The following MSMP variants were observed in gnomAD, a reference collection of about 807,000 sequenced individuals.
MSMP encodes prostate-associated microseminoprotein.
A neutral mutation model predicts 15.8 loss-of-function variants in MSMP; 9 were observed. The ratio of observed to expected loss-of-function variants is 0.57; its 90% CI spans 0.34 to 0.99. MSMP has a LOEUF of 0.99. MSMP is among the 50% of genes least tolerant of loss of function. The pLI, the probability that MSMP is intolerant of heterozygous loss-of-function variation, is 0.02. For missense variants in MSMP, 170 were observed against 173.4 expected, an observed-to-expected ratio of 0.98 and a Z score of 0.11; for synonymous variants, 64 against 64.4, an observed-to-expected ratio of 0.99 and a Z score of 0.03.
Position 35,754,043 on chromosome 9 carries a change from G to T in MSMP, c.87C>A (p.Leu29=). The change falls in exon 1 of 3, where the codon CTC becomes CTA. Residue 29 remains leucine, a synonymous_variant. Coordinates refer to ENST00000436428, the MANE Select transcript of MSMP (RefSeq NM_001044264.3). Reference sequence around the variant, plus strand: ...ACTTGCTGTAGACTCCTGGGTGCTGGAGGAGTAGAGACATCACCAAGCAGA... The same window carrying T: ...ACTTGCTGTAGACTCCTGGGTGCTGTAGGAGTAGAGACATCACCAAGCAGA... The part of the protein sequence containing the change: ...GIICLVMSLL[L]QHPGVYSKCY... The T allele has an allele frequency of 6.2e-7, 1 of 1,613,828 alleles. No individual in the cohort carries two copies. Among genetic ancestry groups the T allele is most frequent in the Non-Finnish European group, 8.5e-7 (1 of 1,179,858 alleles).
Position 35,753,542 on chromosome 9 carries a change from G to T in MSMP, c.239+118C>A. The stretch of plus-strand genomic sequence containing the variant: ...CACTAGTGTTGGTCCCTTCAGGTTT[G>T]GCCCATCTTGTATTGCTCTTCTGTT... On this transcript the variant is annotated intron_variant, in intron 2 of 2. Transcript: ENST00000436428. This position sits in a 1 kb window ranked among gnomAD's most constrained non-coding sequence, Gnocchi z 4.2. 1.1e-6 allele frequency: 1 copy of T among 903,450 alleles called. No homozygotes were observed. The highest frequency in any genetic ancestry group is 1.7e-6 in the Non-Finnish European group (1 of 578,472). The allele number at this position is 903,450 out of a possible 1,614,324, so 56.0% of individuals were successfully genotyped here.
rs565085901 is a variant in MSMP at position 35,754,241 on chromosome 9, C to G, written c.-112G>C. On this transcript the variant is annotated 5_prime_UTR_variant, in exon 1 of 3. Coordinates refer to ENST00000436428, the MANE Select transcript of MSMP (RefSeq NM_001044264.3). The stretch of plus-strand genomic sequence containing the variant: ...TTGAGTCTTAGTTTCTGTCTTTCTC[C>G]CCTGGGCTCCTGTCTCACACTATCT... 7.3e-7 allele frequency: 1 copy of G among 1,367,854 alleles called. No individual in the cohort carries two copies. Among genetic ancestry groups the G allele is most frequent in the Non-Finnish European group, 9.9e-7 (1 of 1,012,116 alleles). 84.7% of individuals were successfully genotyped at this position (1,367,854 alleles called of 1,614,324 possible).
Position 35,753,873 on chromosome 9 carries a change from A to AGTTT in MSMP, c.131-109_131-106dup. 6.5e-7 allele frequency: 1 copy of AGTTT among 1,531,822 alleles called. No homozygotes were observed. The highest frequency in any genetic ancestry group is 8.9e-7 in the Non-Finnish European group (1 of 1,121,708). The allele number at this position is 1,531,822 out of a possible 1,614,324, so 94.9% of individuals were successfully genotyped here. On this transcript the variant is annotated intron_variant, in intron 1 of 2. Transcript: ENST00000436428. The surrounding 1 kb of genome is among the most constrained non-coding windows in gnomAD (Gnocchi z 4.2). ...GTAAGTACGCACTATCCCCGTATTT[A>AGTTT]GTTTGTCTTTCCTGTTTCACAGCTG...
Position 35,754,195 on chromosome 9 carries a change from G to C in MSMP, c.-66C>G. ...TCAGCTACTCTGGTCTTGACTCCTT[G>C]ACTTTGCTTTGCGTTGCTCCTTGAG... is the stretch of plus-strand genomic sequence containing the variant. On this transcript the variant is annotated 5_prime_UTR_variant, in exon 1 of 3. Transcript: ENST00000436428. The C allele has an allele frequency of 1.9e-6, 3 of 1,554,048 alleles. No individual in the cohort carries two copies. The highest frequency in any genetic ancestry group is 2.6e-6 in the Non-Finnish European group (3 of 1,148,894).
Position 35,753,499 on chromosome 9 carries a change from C to A in MSMP, c.239+161G>T. On this transcript the variant is annotated intron_variant, in intron 2 of 2. Coordinates refer to ENST00000436428, the MANE Select transcript of MSMP (RefSeq NM_001044264.3). This position sits in a 1 kb window ranked among gnomAD's most constrained non-coding sequence, Gnocchi z 4.2. Reference sequence around the variant, plus strand: ...ACCCCAACCTCCCCTGATTTATAGCCTGAAGCCTTATCTTTCACACTAGTG... The same window carrying A: ...ACCCCAACCTCCCCTGATTTATAGCATGAAGCCTTATCTTTCACACTAGTG... 2.6e-6 allele frequency: 2 copies of A among 781,390 alleles called. No homozygotes were observed. The highest frequency in any genetic ancestry group is 4.1e-6 in the Non-Finnish European group (2 of 485,006). The allele number at this position is 781,390 out of a possible 1,614,324, so 48.4% of individuals were successfully genotyped here.
In MSMP at chr9:35,753,251, C is replaced by T; in HGVS notation, c.269G>A (p.Gly90Glu). 6.2e-7 allele frequency: 1 copy of T among 1,614,054 alleles called. No homozygotes were observed. The highest frequency in any genetic ancestry group is 8.5e-7 in the Non-Finnish European group (1 of 1,180,018). Reference sequence around the variant, plus strand: ...TCCTGCCTCCTGACGTACCTCACACCCAGCCGGGAAGTCGATGGGATGCTG... The same window carrying T: ...TCCTGCCTCCTGACGTACCTCACACTCAGCCGGGAAGTCGATGGGATGCTG... ...TSQHPIDFPA[G>E]CEVRQEAGTC... Residue 90 changes from glycine (G) to glutamate (E), a missense_variant, in exon 3 of 3, where the codon GGG becomes GAG. Transcript: ENST00000436428. This position sits in a 1 kb window ranked among gnomAD's most constrained non-coding sequence, Gnocchi z 4.2.
Position 35,753,168 on chromosome 9 carries a change from C to T in MSMP, c.352G>A (p.Gly118Arg). ...SDPRLPCKGGGPDPEWGSANT... is the reference protein window; with the variant it reads ...SDPRLPCKGGRPDPEWGSANT... ...GCTGAGCCCCATTCTGGGTCAGGCC[C>T]TCCCCCTTTGCAGGGCAGCCGAGGG... Residue 118 changes from glycine (G) to arginine (R), a missense_variant, in exon 3 of 3, where the codon GGG (glycine) becomes AGG (arginine). Gly to Arg is a moderately radical substitution (Grantham distance 125). Coordinates refer to ENST00000436428, the MANE Select transcript of MSMP (RefSeq NM_001044264.3). The surrounding 1 kb of genome is among the most constrained non-coding windows in gnomAD (Gnocchi z 4.2). 1.2e-6 allele frequency: 2 copies of T among 1,614,218 alleles called. No individual in the cohort carries two copies. The highest frequency in any genetic ancestry group is 2.2e-5 in the South Asian group (2 of 91,082).
Position 35,753,162 on chromosome 9 carries a change from C to T in MSMP, c.358G>A (p.Asp120Asn), listed in dbSNP as rs1827297599. The change falls in exon 3 of 3, where the codon GAC (aspartate) becomes AAC (asparagine). Residue 120 changes from aspartate to asparagine, a missense_variant. Coordinates refer to ENST00000436428, the MANE Select transcript of MSMP (RefSeq NM_001044264.3). The surrounding 1 kb of genome is among the most constrained non-coding windows in gnomAD (Gnocchi z 4.2). Reference protein sequence around the residue: ...PRLPCKGGGPDPEWGSANTPV... With the variant: ...PRLPCKGGGPNPEWGSANTPV... ...GTGTTGGCTGAGCCCCATTCTGGGT[C>T]AGGCCCTCCCCCTTTGCAGGGCAGC... The T allele has an allele frequency of 1.2e-6, 2 of 1,614,058 alleles. No homozygotes were observed. Among genetic ancestry groups the T allele is most frequent in the African/African-American group, 1.3e-5 (1 of 74,920 alleles).
chr9:35,753,401 C>A lies in MSMP; in HGVS notation c.240-121G>T, dbSNP rs956652071. The A allele has an allele frequency of 6.6e-5, 74 of 1,113,822 alleles. No individual in the cohort carries two copies. The highest frequency in any genetic ancestry group is 2.6e-5 in the Admixed American group (1 of 38,378). The allele number at this position is 1,113,822 out of a possible 1,614,324, so 69.0% of individuals were successfully genotyped here. A position where few individuals can be genotyped will look rare whatever the true frequency, so the allele number is the denominator to read the frequency against. ...AGCCCCTTTCAGTGGCCCCTTGGTC[C>A]TCCTAACTAAGCTGTCACCTACCAT... On this transcript the variant is annotated intron_variant, in intron 2 of 2. Coordinates refer to ENST00000436428, the MANE Select transcript of MSMP (RefSeq NM_001044264.3). The surrounding 1 kb of genome is among the most constrained non-coding windows in gnomAD (Gnocchi z 4.2).
rs1300297772 is a variant in MSMP, at chr9:35,753,498, C to T, written c.239+162G>A. 1 of 778,686 alleles carries T rather than the reference C, an allele frequency of 1.3e-6. No individual in the cohort carries two copies. The highest frequency in any genetic ancestry group is 2.7e-5 in the East Asian group (1 of 37,182). The allele number at this position is 778,686 out of a possible 1,614,324, so 48.2% of individuals were successfully genotyped here. Reference sequence around the variant, plus strand: ...CACCCCAACCTCCCCTGATTTATAGCCTGAAGCCTTATCTTTCACACTAGT... The same window carrying T: ...CACCCCAACCTCCCCTGATTTATAGTCTGAAGCCTTATCTTTCACACTAGT... On this transcript the variant is annotated intron_variant, in intron 2 of 2. Transcript: ENST00000436428. The surrounding 1 kb of genome is among the most constrained non-coding windows in gnomAD (Gnocchi z 4.2).
In MSMP at chr9:35,753,338, G is replaced by C; in HGVS notation, c.240-58C>G. ...ACAGTGAAAGGCTGCCTTTATCCCT[G>C]CCCACATGTTCCCTCTCTCACAGTT... On this transcript the variant is annotated intron_variant, in intron 2 of 2. Transcript: ENST00000436428. This position sits in a 1 kb window ranked among gnomAD's most constrained non-coding sequence, Gnocchi z 4.2. The C allele has an allele frequency of 1.3e-6, 2 of 1,555,038 alleles. No homozygotes were observed. Among genetic ancestry groups the C allele is most frequent in the Non-Finnish European group, 1.7e-6 (2 of 1,144,912 alleles).
At position 35,753,264 on chromosome 9, in the gene MSMP, C is replaced by T. The variant is rs182933098; in HGVS notation, c.256G>A (p.Asp86Asn). 9 of 1,613,774 alleles carry T rather than the reference C, an allele frequency of 5.6e-6. No homozygotes were observed. Among genetic ancestry groups the T allele is most frequent in the Admixed American group, 5.0e-5 (3 of 60,012 alleles). The change falls in exon 3 of 3, where the codon GAC (aspartate) becomes AAC (asparagine). Residue 86 changes from aspartate to asparagine, a missense_variant. Coordinates refer to ENST00000436428, the MANE Select transcript of MSMP (RefSeq NM_001044264.3). This position sits in a 1 kb window ranked among gnomAD's most constrained non-coding sequence, Gnocchi z 4.2. ...CGTACCTCACACCCAGCCGGGAAGT[C>T]GATGGGATGCTGGGACCTGGGGAAC... is the stretch of plus-strand genomic sequence containing the variant. Reference protein sequence around the residue: ...GCCDTSQHPIDFPAGCEVRQE... With the variant: ...GCCDTSQHPINFPAGCEVRQE...
In MSMP at chr9:35,753,198, A is replaced by G; in HGVS notation, c.322T>C (p.Ser108Pro). The change falls in exon 3 of 3, where the codon TCT becomes CCT. Residue 108 changes from serine to proline, a missense_variant. Transcript: ENST00000436428. The surrounding 1 kb of genome is among the most constrained non-coding windows in gnomAD (Gnocchi z 4.2). ...CCTTTGCAGGGCAGCCGAGGGTCAG[A>G]TTTTTGCACCAAGGAGAACTGGCAG... is the stretch of plus-strand genomic sequence containing the variant. ...GTCQFSLVQK[S>P]DPRLPCKGGG... The G allele has an allele frequency of 6.2e-7, 1 of 1,614,110 alleles. No homozygotes were observed.
Position 35,753,667 on chromosome 9 carries a change from A to C in MSMP, c.232T>G (p.Cys78Gly). ...CCATCTTTGGTCACTCACGTGTCAC[A>C]GCAGCCCACGCCAACAGGATGCAGA... is the stretch of plus-strand genomic sequence containing the variant. ...TCLHPVGVGC[C>G]DTSQHPIDFP... The change falls in exon 2 of 3, where the codon TGT becomes GGT. Residue 78 changes from cysteine to glycine, a missense_variant. By Grantham distance (159) the Cys-to-Gly change is radical. Transcript: ENST00000436428. This position sits in a 1 kb window ranked among gnomAD's most constrained non-coding sequence, Gnocchi z 4.2. 1.2e-6 allele frequency: 2 copies of C among 1,613,712 alleles called. No homozygotes were observed. Among genetic ancestry groups the C allele is most frequent in the Non-Finnish European group, 1.7e-6 (2 of 1,179,644 alleles).
chr9:35,753,543 G>T lies in MSMP; in HGVS notation c.239+117C>A. ...ACTAGTGTTGGTCCCTTCAGGTTTG[G>T]CCCATCTTGTATTGCTCTTCTGTTC... On this transcript the variant is annotated intron_variant, in intron 2 of 2. Coordinates refer to ENST00000436428, the MANE Select transcript of MSMP (RefSeq NM_001044264.3). The surrounding 1 kb of genome is among the most constrained non-coding windows in gnomAD (Gnocchi z 4.2). 4.4e-6 allele frequency: 4 copies of T among 918,694 alleles called. No homozygotes were observed. The highest frequency in any genetic ancestry group is 6.8e-6 in the Non-Finnish European group (4 of 592,092). The allele number at this position is 918,694 out of a possible 1,614,324, so 56.9% of individuals were successfully genotyped here.
chr9:35,753,839 G>C lies in MSMP; in HGVS notation c.131-71C>G, dbSNP rs987300457. On this transcript the variant is annotated intron_variant, in intron 1 of 2. Transcript: ENST00000436428. The surrounding 1 kb of genome is among the most constrained non-coding windows in gnomAD (Gnocchi z 4.2). Reference sequence around the variant, plus strand: ...GAGGCAGAGGCTCTTCTGGTCTGGGGTGGAGACAGTAAGTACGCACTATCC... The same window carrying C: ...GAGGCAGAGGCTCTTCTGGTCTGGGCTGGAGACAGTAAGTACGCACTATCC... 2 of 1,534,006 alleles carry C rather than the reference G, an allele frequency of 1.3e-6. No homozygotes were observed. Among genetic ancestry groups the C allele is most frequent in the Non-Finnish European group, 1.8e-6 (2 of 1,112,450 alleles).
At position 35,753,288 on chromosome 9, in the gene MSMP, A is replaced by G. The variant is rs1027155466; in HGVS notation, c.240-8T>C. Reference sequence around the variant, plus strand: ...TCGATGGGATGCTGGGACCTGGGGAACCAAGGATAGGGGAAGGAGTCAGCA... The same window carrying G: ...TCGATGGGATGCTGGGACCTGGGGAGCCAAGGATAGGGGAAGGAGTCAGCA... On this transcript the variant is annotated splice_region_variant and splice_polypyrimidine_tract_variant and intron_variant, in intron 2 of 2. Coordinates refer to ENST00000436428, the MANE Select transcript of MSMP (RefSeq NM_001044264.3). This position sits in a 1 kb window ranked among gnomAD's most constrained non-coding sequence, Gnocchi z 4.2. 3.7e-6 allele frequency: 6 copies of G among 1,612,424 alleles called. No individual in the cohort carries two copies. Among genetic ancestry groups the G allele is most frequent in the Middle Eastern group, 1.6e-4 (1 of 6,082 alleles).
In MSMP at chr9:35,753,867, G is replaced by GT; in HGVS notation, c.131-100dup. 1 of 1,524,900 alleles carries GT rather than the reference G, an allele frequency of 6.6e-7. No individual in the cohort carries two copies. Among genetic ancestry groups the GT allele is most frequent in the East Asian group, 2.3e-5 (1 of 44,196 alleles). 94.5% of individuals were successfully genotyped at this position (1,524,900 alleles called of 1,614,324 possible). A position where few individuals can be genotyped will look rare whatever the true frequency, so the allele number is the denominator to read the frequency against. On this transcript the variant is annotated intron_variant, in intron 1 of 2. Transcript: ENST00000436428. The surrounding 1 kb of genome is among the most constrained non-coding windows in gnomAD (Gnocchi z 4.2). ...GAGACAGTAAGTACGCACTATCCCC[G>GT]TATTTAGTTTGTCTTTCCTGTTTCA... is the stretch of plus-strand genomic sequence containing the variant.
chr9:35,753,542 G>C lies in MSMP; in HGVS notation c.239+118C>G. 1 of 903,452 alleles carries C rather than the reference G, an allele frequency of 1.1e-6. No individual in the cohort carries two copies. 56.0% of individuals were successfully genotyped at this position (903,452 alleles called of 1,614,324 possible). On this transcript the variant is annotated intron_variant, in intron 2 of 2. Transcript: ENST00000436428. The surrounding 1 kb of genome is among the most constrained non-coding windows in gnomAD (Gnocchi z 4.2). ...CACTAGTGTTGGTCCCTTCAGGTTT[G>C]GCCCATCTTGTATTGCTCTTCTGTT...
Sources: gnomAD v4.1 joint callset for allele counts on GRCh38, gnomAD v4.1.1 for gene constraint, Gnocchi (gnomAD v3.1) non-coding constraint, MANE v1.5 for transcripts, NCBI Gene and HGNC (gene_info 2026-07-23, HGNC 2026-07-21) for gene names.